The following ATP10B variants were observed in gnomAD, a reference collection of about 807,000 sequenced individuals.
ATP10B encodes ATPase phospholipid transporting 10B (putative).
Under a neutral mutation model 141.2 loss-of-function variants are expected in ATP10B, and 122 were observed. The observed-to-expected ratio is 0.86, with a 90% CI of 0.75 to 1.00. The LOEUF is 1.00. Among genes scored for constraint, ATP10B ranks in the 50% least tolerant of loss-of-function variants. The probability of loss-of-function intolerance (pLI) is 0.00; values close to 1 mark genes in which losing one functional copy is unlikely to be tolerated. For synonymous variants in ATP10B, 685 were observed against 692.0 expected, an observed-to-expected ratio of 0.99 and a Z score of 0.16; for missense variants, 1,876 against 1,825.3, an observed-to-expected ratio of 1.03 and a Z score of -0.51.
chr5:160,842,398 T>C (rs532555384), intron 1 of ATP10B, among the ~76,000 whole-genome samples: 2 of 152,142 alleles, frequency 1.3e-5, no homozygotes, highest in African/African-American at 4.8e-5. Flanking sequence ...AAACCAATTG[T>C]TTAAGTATAT....
chr5:160,659,292 C>T (rs991620499), intron 7 of ATP10B, among the ~76,000 whole-genome samples: 5 of 152,094 alleles, frequency 3.3e-5, no homozygotes, highest in African/African-American at 7.2e-5. Context: ...AGTGAAACTC[C>T]GTCTCTACTA....
At chr5:160,707,370 A>G (rs1378665548) in intron 3 of ATP10B, among the ~76,000 whole-genome samples, 1 of 152,236 alleles carries the variant, frequency 6.6e-6, no homozygotes, top group Admixed American at 6.5e-5. Context: ...GTATTGCTGG[A>G]CAGTGATCTG....
At chr5:160,911,811 CAA>C in the ATP10B span, among the ~76,000 whole-genome samples, 75 of 152,182 alleles carry the variant, frequency 4.9e-4, no homozygotes, top group Middle Eastern at 3.4e-3. Flanking sequence ...ATTTTAGATA[CAA>C]AAAATACAAT....
intron 7 of ATP10B, among the ~76,000 whole-genome samples, chr5:160,654,778 T>C (rs1561709000): frequency 6.6e-6 from 1 of 152,206 alleles, no homozygotes. Context: ...TGAATGCTTG[T>C]TGTGTACTAA....
intron 22 of ATP10B, among the ~76,000 whole-genome samples, chr5:160,594,036 A>G (rs1756509365): frequency 6.6e-6 from 1 of 152,218 alleles, no homozygotes; most frequent in Admixed American, 6.5e-5. Flanking sequence ...AAATACAGAG[A>G]ATGCCACAAA....
chr5:160,839,322 T>C (rs1344178631), intron 1 of ATP10B, among the ~76,000 whole-genome samples: 1 of 152,146 alleles, frequency 6.6e-6, no homozygotes, highest in East Asian at 1.9e-4. Context: ...AATTCAGTGA[T>C]TAAGTGCAGA....
intron 2 of ATP10B, among the ~76,000 whole-genome samples, chr5:160,740,921 C>T (rs1010479313): frequency 1.3e-5 from 2 of 152,218 alleles, no homozygotes; most frequent in Admixed American, 6.5e-5. Context: ...CTCTAATTAA[C>T]TTGGCTCCCA....
chr5:160,855,527 G>A (rs777010681), upstream of ATP10B, among the ~76,000 whole-genome samples: 27 of 149,858 alleles, frequency 1.8e-4, no homozygotes, highest in African/African-American at 5.1e-4. Flanking sequence ...TACCTTTGTC[G>A]GATATGTGGT....
rs149926815 is a variant in ATP10B at position 160,635,659 on chromosome 5, C to T, written c.1128+523G>A. Among the ~76,000 whole-genome samples, 593 of 152,250 alleles carry T rather than the reference C, an allele frequency of 3.9e-3. 6 individuals carry two copies. Among genetic ancestry groups the T allele is most frequent in the African/African-American group, 0.013 (522 of 41,548 alleles). ...CATTGATTGTATTTTCTTAGAGACA[C>T]GAAGGTTTTAAAATTCATCTCTTCA... is the stretch of plus-strand genomic sequence containing the variant. On this transcript the variant is annotated intron_variant, in intron 11 of 25. Coordinates refer to ENST00000327245, the MANE Select transcript of ATP10B (RefSeq NM_025153.3).
In ATP10B at chr5:160,709,608, AT is replaced by A. The variant is rs34526186; in HGVS notation, c.-205+7300del. Among the ~76,000 whole-genome samples, 814 of 143,216 alleles carry A rather than the reference AT, an allele frequency of 5.7e-3. 14 individuals carry two copies. The highest frequency in any genetic ancestry group is 0.04 in the East Asian group (199 of 4,946). 94.0% of individuals were successfully genotyped at this position (143,216 alleles called of 152,430 possible). ...TTCATAAACAAATTTTTTTTTTTTA[AT>A]TTTTTTTTTTTTATTATACTCTAAG... On this transcript the variant is annotated intron_variant, in intron 3 of 25. Transcript: ENST00000327245.
intron 7 of ATP10B, among the ~76,000 whole-genome samples, chr5:160,655,066 C>G (rs1000747533): frequency 6.6e-6 from 1 of 152,070 alleles, no homozygotes; most frequent in Admixed American, 6.6e-5. Context: ...TATTTCTTTT[C>G]TATGTTCATT....
chr5:160,742,684 T>A (rs1423393972), intron 2 of ATP10B, among the ~76,000 whole-genome samples: 3 of 152,064 alleles, frequency 2.0e-5, no homozygotes, highest in Non-Finnish European at 4.4e-5. Context: ...GAAAGCTGAA[T>A]AGAGCAGGGG....
intron 2 of ATP10B, among the ~76,000 whole-genome samples, chr5:160,724,866 T>A (rs1766228335): frequency 1.3e-5 from 2 of 152,220 alleles, no homozygotes; most frequent in African/African-American, 4.8e-5. Flanking sequence ...CCTCCTTCCT[T>A]GCATTTTTTT....
intron 13 of ATP10B, among the ~76,000 whole-genome samples, chr5:160,629,446 T>A (rs1020432486): frequency 6.6e-6 from 1 of 151,986 alleles, no homozygotes; most frequent in Non-Finnish European, 1.5e-5. Flanking sequence ...TTATGGAGGG[T>A]CCCCATCTTG....
intron 1 of ATP10B, among the ~76,000 whole-genome samples, chr5:160,786,162 A>G (rs1032642989): frequency 1.2e-4 from 19 of 152,298 alleles, no homozygotes; most frequent in African/African-American, 3.4e-4. Context: ...CAGACCAATG[A>G]AAGTCAGTTC....
chr5:160,823,834 C>CA (rs1354446518), intron 1 of ATP10B, among the ~76,000 whole-genome samples: 1 of 151,514 alleles, frequency 6.6e-6, no homozygotes, highest in Non-Finnish European at 1.5e-5. Context: ...ACTCCGTCTC[C>CA]AAAAAACAAA....
At chr5:160,587,798 G>T (rs1756006633) in intron 24 of ATP10B, among the ~76,000 whole-genome samples, 1 of 152,316 alleles carries the variant, frequency 6.6e-6, no homozygotes, top group Admixed American at 6.5e-5. Flanking sequence ...AGACTTTGCT[G>T]AAGTTGCTCA....
intron 1 of ATP10B, among the ~76,000 whole-genome samples, chr5:160,807,681 T>C (rs141898430): frequency 2.0e-4 from 31 of 152,304 alleles, no homozygotes; most frequent in African/African-American, 6.5e-4. Context: ...AACTGAACAC[T>C]CTCTGTATCC....
chr5:160,572,455 C>G (rs1474464796), intron 24 of ATP10B, among the ~76,000 whole-genome samples: 1 of 152,046 alleles, frequency 6.6e-6, no homozygotes, highest in Non-Finnish European at 1.5e-5. Flanking sequence ...ACTCCTTTCC[C>G]CAAATCACCA....
Sources: gnomAD v4.1 joint callset for allele counts (sites outside exome capture counted in the v4.1 genomes callset) on GRCh38, gnomAD v4.1.1 for gene constraint, MANE v1.5 for transcripts, NCBI Gene and HGNC (gene_info 2026-07-23, HGNC 2026-07-21) for gene names.